Variants in EML5 observed in about 807,000 individuals in gnomAD.
EML5 encodes the protein echinoderm microtubule-associated protein-like 5.
Under a neutral mutation model 250.0 loss-of-function variants are expected in EML5, and 120 were observed. The observed-to-expected ratio is 0.48, with a 90% CI of 0.41 to 0.56. The LOEUF is 0.56. Ranked by LOEUF, EML5 falls within the 20% of genes least tolerant of loss-of-function variation. The pLI is 0.00. For synonymous variants in EML5, 771 were observed against 806.5 expected (o/e 0.96, Z 0.75); for missense variants, 2,006 against 2,437.6 (o/e 0.82, Z 3.73).
At chr14:88,761,800 T>C (rs1418022082) in intron 1 of EML5, among the ~76,000 whole-genome samples, 4 of 152,188 alleles carry the variant, frequency 2.6e-5, no homozygotes, top group East Asian at 1.9e-4. Context: ...TGAACGAATT[T>C]ACACTCCCAC....
Position 88,714,836 on chromosome 14 carries a change from T to C in EML5, c.1444+103A>G. Reference sequence around the variant, plus strand: ...ATGCCTGAAATATTAGCTCAGATCTTCTTTGATTTCCTATGATCAAATGTA... The same window carrying C: ...ATGCCTGAAATATTAGCTCAGATCTCCTTTGATTTCCTATGATCAAATGTA... On this transcript the variant is annotated intron_variant, in intron 9 of 43. Transcript: ENST00000554922. 10 of 1,137,132 alleles carry C rather than the reference T, an allele frequency of 8.8e-6. No individual in the cohort carries two copies. The South Asian group carries it at 1.6e-4, about 18-fold the overall frequency. The allele number at this position is 1,137,132 out of a possible 1,614,324, so 70.4% of individuals were successfully genotyped here. A position where few individuals can be genotyped will look rare whatever the true frequency, so the allele number is the denominator to read the frequency against.
intron 33 of EML5, among the ~76,000 whole-genome samples, chr14:88,631,699 G>A (rs1206631621): frequency 6.6e-6 from 1 of 152,186 alleles, no homozygotes; most frequent in Non-Finnish European, 1.5e-5. Context: ...GAACCCGGGA[G>A]GCAGAGGTTG....
intron 24 of EML5, 125 bp from the exon 25 acceptor site, chr14:88,661,955 ATAGT>A (rs1263335337): frequency 2.2e-6 from 2 of 900,242 alleles, no homozygotes; most frequent in South Asian, 1.9e-5. Flanking sequence ...TAATGAAAAA[ATAGT>A]TAAATTATTA....
chr14:88,623,570 T>G (rs1444723399), intron 36 of EML5: 1 of 151,888 alleles, frequency 6.6e-6, no homozygotes, highest in African/African-American at 2.4e-5. Flanking sequence ...ACAGGCACCA[T>G]GCCTGGCTAA....
chr14:88,773,956 T>A (rs1480237742), intron 1 of EML5, among the ~76,000 whole-genome samples: 1 of 151,992 alleles, frequency 6.6e-6, no homozygotes, highest in Non-Finnish European at 1.5e-5. Flanking sequence ...CCACCTCTAC[T>A]AAAAATACAA....
chr14:88,642,697 T>TTA (rs2091132491), intron 31 of EML5, among the ~76,000 whole-genome samples, 196 bp downstream of exon 31: 1 of 152,334 alleles, frequency 6.6e-6, no homozygotes, highest in African/African-American at 2.4e-5. Context: ...TTCTGCTGTA[T>TTA]TATACTCTCT....
intron 1 of EML5, 134 bp from the exon 2 acceptor site, chr14:88,754,805 T>A (rs1287675202): frequency 7.2e-6 from 6 of 835,236 alleles, no homozygotes; most frequent in South Asian, 3.6e-5. Flanking sequence ...TTGGATTTTT[T>A]AAAAATTATT....
In EML5 at chr14:88,616,963, T is replaced by C. The variant is rs2087721762; in HGVS notation, c.5643-84A>G. ...TCAAAAAGTTTCTTGGCAATTAATC[T>C]CTAAGTACCCTATCATGTTACTTAA... On this transcript the variant is annotated intron_variant, in intron 41 of 43. Transcript: ENST00000554922. 6 of 1,300,208 alleles carry C rather than the reference T, an allele frequency of 4.6e-6. No homozygotes were observed. In the Admixed American group the frequency reaches 1.2e-4, roughly 25 times the overall value. 80.5% of individuals were successfully genotyped at this position (1,300,208 alleles called of 1,614,324 possible).
chr14:88,783,383 G>A (rs1385426992), intron 1 of EML5, among the ~76,000 whole-genome samples: 1 of 152,174 alleles, frequency 6.6e-6, no homozygotes, highest in Non-Finnish European at 1.5e-5. Context: ...ATCAATGGAA[G>A]ATCCAATGGA....
chr14:88,694,225 T>C lies in EML5; in HGVS notation c.2539+82A>G, dbSNP rs2093025998. 3.4e-6 allele frequency: 3 copies of C among 881,138 alleles called. No homozygotes were observed. In the Admixed American group the frequency reaches 6.8e-5, roughly 20 times the overall value. The allele number at this position is 881,138 out of a possible 1,614,324, so 54.6% of individuals were successfully genotyped here. A position where few individuals can be genotyped will look rare whatever the true frequency, so the allele number is the denominator to read the frequency against. On this transcript the variant is annotated intron_variant, in intron 17 of 43. Transcript: ENST00000554922. Reference sequence around the variant, plus strand: ...CTCTATTCCAGGATGCAGTCTAGGGTACACACTGCACTTAGCTAAATTACT... The same window carrying C: ...CTCTATTCCAGGATGCAGTCTAGGGCACACACTGCACTTAGCTAAATTACT...
At chr14:88,701,318 T>C (rs1335555989) in intron 14 of EML5, among the ~76,000 whole-genome samples, 1 of 152,142 alleles carries the variant, frequency 6.6e-6, no homozygotes, top group Non-Finnish European at 1.5e-5. Flanking sequence ...AATAATTACC[T>C]GCCCCGAAAC....
intron 13 of EML5, among the ~76,000 whole-genome samples, chr14:88,704,510 A>G (rs940980688): frequency 2.6e-5 from 4 of 152,212 alleles, no homozygotes; most frequent in African/African-American, 9.6e-5. Context: ...ACAGAAAAAA[A>G]GAGACACAGA....
In EML5 at chr14:88,620,469, A is replaced by C. The variant is rs907426306; in HGVS notation, c.5375+285T>G. The C allele has an allele frequency of 1.1e-5, 3 of 263,710 alleles. No individual in the cohort carries two copies. The highest frequency in any genetic ancestry group is 6.6e-5 in the African/African-American group (3 of 45,482). The allele number at this position is 263,710 out of a possible 1,614,324, so 16.3% of individuals were successfully genotyped here. On this transcript the variant is annotated intron_variant, in intron 39 of 43. Coordinates refer to ENST00000554922, the MANE Select transcript of EML5 (RefSeq NM_183387.3). The surrounding 1 kb of genome is among the most constrained non-coding windows in gnomAD (Gnocchi z 4.3). ...TAGCTCTCTTGTATTACAGTGGGAG[A>C]TACCTCTTGGTGGGATGAACTTAAT...
At chr14:88,697,417 A>C (rs1320809997) in intron 14 of EML5, among the ~76,000 whole-genome samples, 1 of 152,214 alleles carries the variant, frequency 6.6e-6, no homozygotes, top group Non-Finnish European at 1.5e-5. Context: ...GCCTTCAGAA[A>C]GCACAGAACT....
At chr14:88,650,044 A>T (rs2091546077) in intron 27 of EML5, 118 bp from the exon 28 acceptor site, 2 of 620,520 alleles carry the variant, frequency 3.2e-6, no homozygotes, top group Non-Finnish European at 5.1e-6. Context: ...TTAAGGAAAT[A>T]CAAAAATGTC....
chr14:88,614,647 A>G lies in EML5; in HGVS notation c.*1171T>C, dbSNP rs922463446. The G allele has an allele frequency of 1.1e-4, 17 of 152,232 alleles. No homozygotes were observed. Among genetic ancestry groups the G allele is most frequent in the South Asian group, 2.1e-4 (1 of 4,836 alleles). The allele number at this position is 152,232 out of a possible 1,614,324, so 9.4% of individuals were successfully genotyped here. A position where few individuals can be genotyped will look rare whatever the true frequency, so the allele number is the denominator to read the frequency against. Reference sequence around the variant, plus strand: ...TAAATAGCAGTCTACATAATTTTCAATCTTCAGGAAACTACAGATAGGCTA... The same window carrying G: ...TAAATAGCAGTCTACATAATTTTCAGTCTTCAGGAAACTACAGATAGGCTA... On this transcript the variant is annotated 3_prime_UTR_variant, in exon 44 of 44. Transcript: ENST00000554922.
intron 19 of EML5, 125 bp from the exon 20 acceptor site, chr14:88,685,267 G>T: frequency 1.4e-6 from 1 of 728,488 alleles, no homozygotes; most frequent in Non-Finnish European, 2.0e-6. Flanking sequence ...TGTATTTTAA[G>T]TATTCTAATA....
Position 88,717,056 on chromosome 14 carries a change from G to C in EML5, c.1188-1861C>G, listed in dbSNP as rs185592632. The stretch of plus-strand genomic sequence containing the variant: ...AGTTCATAATACATCACAAAGTAAA[G>C]GTACAGAGTTGATCAGAGCATACAA... On this transcript the variant is annotated intron_variant, in intron 8 of 43. Coordinates refer to ENST00000554922, the MANE Select transcript of EML5 (RefSeq NM_183387.3). Among the ~76,000 whole-genome samples the C allele has an allele frequency of 4.7e-3, 716 of 152,260 alleles. 9 individuals carry two copies. The highest frequency in any genetic ancestry group is 0.017 in the African/African-American group (687 of 41,564).
rs765350555 is a variant in EML5 at position 88,705,490 on chromosome 14, G to A, written c.1924C>T (p.Arg642Cys). 9 of 1,597,894 alleles carry A rather than the reference G, an allele frequency of 5.6e-6. No homozygotes were observed. Among genetic ancestry groups the A allele is most frequent in the African/African-American group, 1.3e-5 (1 of 74,770 alleles). Residue 642 changes from arginine (R) to cysteine (C), a missense_variant, in exon 12 of 44, where the codon CGT becomes TGT. Arg to Cys is a radical substitution (Grantham distance 180, BLOSUM62 -3). Around this residue, in one of 7 missense-constraint regions of EML5, gnomAD observed 1,375 missense variants for 1,590.3 expected, o/e 0.86. Transcript: ENST00000554922. ...GTGATATGGAAAATTACCTGTCGACGGTAGGTGAGCTGTGTCTCTTGTTCA... is the reference window on the plus strand; with the variant it reads ...GTGATATGGAAAATTACCTGTCGACAGTAGGTGAGCTGTGTCTCTTGTTCA... ...EIEQETQLTY[R>C]RQVYKEDLPQ...
Sources: allele counts gnomAD v4.1 joint callset (sites outside exome capture counted in the v4.1 genomes callset), GRCh38; gene constraint gnomAD v4.1.1; regional missense constraint gnomAD v4.1.1; non-coding constraint Gnocchi (gnomAD v3.1); transcripts MANE v1.5; gene names NCBI Gene and HGNC (gene_info 2026-07-23, HGNC 2026-07-21).